The following RUNX1T1 variants were observed in gnomAD, a reference collection of about 807,000 sequenced individuals.
The protein encoded by RUNX1T1 is protein CBFA2T1.
A neutral mutation model predicts 62.8 loss-of-function variants in RUNX1T1; 4 were observed. The observed-to-expected ratio is 0.06, with a 90% confidence interval of 0.03 to 0.15. The LOEUF (loss-of-function observed/expected upper bound fraction) is 0.15, where lower values mean the gene tolerates loss of function less well. Ranked by LOEUF, RUNX1T1 falls within the 10% of genes least tolerant of loss-of-function variation. The pLI, the probability that RUNX1T1 is intolerant of heterozygous loss-of-function variation, is 1.00. For missense variants in RUNX1T1, 508 were observed against 754.3 expected, an observed-to-expected ratio of 0.67 and a Z score of 3.82; for synonymous variants, 291 against 286.0, an observed-to-expected ratio of 1.02 and a Z score of -0.18.
intron 1 of RUNX1T1, among the ~76,000 whole-genome samples, chr8:92,018,924 G>A (rs1181026852): frequency 1.3e-5 from 2 of 152,126 alleles, no homozygotes; most frequent in African/African-American, 4.8e-5. Context: ...GAATAACAAC[G>A]GATGTCCCTA....
At chr8:91,970,781 C>T (rs1812662112) in exon 10 of RUNX1T1, 3 of 1,613,408 alleles carry the variant, frequency 1.9e-6, no homozygotes, top group Admixed American at 1.7e-5. Flanking sequence ...GGGCTTTCCG[C>T]TCCGCCTCAG....
chr8:91,985,544 A>C (rs1409642272), intron 8 of RUNX1T1, among the ~76,000 whole-genome samples: 1 of 152,190 alleles, frequency 6.6e-6, no homozygotes, highest in Non-Finnish European at 1.5e-5. Flanking sequence ...AGGGTGCTAC[A>C]TCTTTATCAT....
chr8:92,095,471 G>C, intron 1 of RUNX1T1: 1 of 1,531,772 alleles, frequency 6.5e-7, no homozygotes, highest in Non-Finnish European at 8.7e-7. Context: ...GGCACATTGT[G>C]TGTGAGTGAG....
rs1396130555 is a variant in RUNX1T1 at position 92,060,951 on chromosome 8, A to G, written c.7+1595T>C. Among the ~76,000 whole-genome samples the G allele has an allele frequency of 7.4e-5, 11 of 147,738 alleles. No individual in the cohort carries two copies. The South Asian group carries it at 2.1e-3, about 29-fold the overall frequency. On this transcript the variant is annotated intron_variant, in intron 1 of 10. Transcript: ENST00000396218. Reference sequence around the variant, plus strand: ...AGAGAGAGAGAGAGAGAGAGAGAGAAGCAGTGCCCACACTTCAGGCTATTG... The same window carrying G: ...AGAGAGAGAGAGAGAGAGAGAGAGAGGCAGTGCCCACACTTCAGGCTATTG...
chr8:92,031,881 C>T (rs1220194082), intron 1 of RUNX1T1, among the ~76,000 whole-genome samples: 4 of 151,662 alleles, frequency 2.6e-5, no homozygotes, highest in Non-Finnish European at 4.4e-5. Flanking sequence ...CACTTGAGCC[C>T]GGGAGTTCGA....
At chr8:92,099,304 T>C (rs1484559) in intron 1 of RUNX1T1, among the ~76,000 whole-genome samples, 114,610 of 152,134 alleles carry the variant, frequency 0.75, 43,759 homozygotes, top group East Asian at 1. Flanking sequence ...TAACTTCTGA[T>C]AGATTATTCT....
At chr8:92,054,666 G>T (rs1246647959) in intron 1 of RUNX1T1, among the ~76,000 whole-genome samples, 2 of 152,100 alleles carry the variant, frequency 1.3e-5, no homozygotes. Context: ...TATATTAATT[G>T]CTCATAATAT....
At chr8:92,016,352 A>T (rs995899579) in intron 2 of RUNX1T1, among the ~76,000 whole-genome samples, 9 of 152,100 alleles carry the variant, frequency 5.9e-5, no homozygotes, top group African/African-American at 2.2e-4. Context: ...GAATGGAGTA[A>T]AGTTTTAATA....
At chr8:92,039,412 T>A (rs1198696280) in intron 1 of RUNX1T1, among the ~76,000 whole-genome samples, 1 of 152,176 alleles carries the variant, frequency 6.6e-6, no homozygotes, top group Non-Finnish European at 1.5e-5. Flanking sequence ...AATACCTGAC[T>A]CTCTCAAAAC....
intron 8 of RUNX1T1, among the ~76,000 whole-genome samples, chr8:91,983,174 C>G (rs1335925690): frequency 3.3e-5 from 5 of 151,734 alleles, no homozygotes; most frequent in African/African-American, 4.8e-5. Context: ...ACCTCGTGAT[C>G]CGTCTGCCTC....
intron 1 of RUNX1T1, among the ~76,000 whole-genome samples, chr8:92,017,866 G>C (rs1823318790): frequency 6.6e-6 from 1 of 152,110 alleles, no homozygotes; most frequent in South Asian, 2.1e-4. Context: ...GATGAAATAG[G>C]TTATCGTCTT....
chr8:91,999,105 A>ATAAG (rs1819272645), intron 5 of RUNX1T1, among the ~76,000 whole-genome samples: 1 of 152,202 alleles, frequency 6.6e-6, no homozygotes, highest in Admixed American at 6.5e-5. Context: ...TCAACCTTCC[A>ATAAG]TAAGATTATT....
rs529208552 is a variant in RUNX1T1 at position 92,059,717 on chromosome 8, C to T, written c.7+2829G>A. On this transcript the variant is annotated intron_variant, in intron 1 of 10. Coordinates refer to ENST00000396218, the Ensembl canonical transcript of RUNX1T1. ...TGTGGCCATGTGTTAAAAATTACAG[C>T]CAGTTAAGTTCTCTGCTAAGGAAAA... Among the ~76,000 whole-genome samples, 7 of 152,218 alleles carry T rather than the reference C, an allele frequency of 4.6e-5. No homozygotes were observed. In the South Asian group the frequency reaches 1.4e-3, roughly 32 times the overall value.
chr8:92,016,405 G>A (rs961888866), intron 2 of RUNX1T1, among the ~76,000 whole-genome samples: 75 of 152,130 alleles, frequency 4.9e-4, no homozygotes, highest in African/African-American at 1.6e-3. Flanking sequence ...GACCGGGTGC[G>A]GTGGCTCACG....
In RUNX1T1 at chr8:91,970,922, T is replaced by C. The variant is rs931800637; in HGVS notation, c.1268-74A>G. 3.9e-6 allele frequency: 5 copies of C among 1,270,884 alleles called. No homozygotes were observed. In the Admixed American group the frequency reaches 1.5e-4, roughly 37 times the overall value. The allele number at this position is 1,270,884 out of a possible 1,614,324, so 78.7% of individuals were successfully genotyped here. A position where few individuals can be genotyped will look rare whatever the true frequency, so the allele number is the denominator to read the frequency against. On this transcript the variant is annotated intron_variant, in intron 9 of 10. Transcript: ENST00000396218. ...CCGAAGTCATTGGATACGGATTACT[T>C]TTCTTTTAATTTTTTTTTTCTTTCC... is the stretch of plus-strand genomic sequence containing the variant.
chr8:92,066,312 C>T (rs993309942), upstream of RUNX1T1, among the ~76,000 whole-genome samples: 2 of 152,212 alleles, frequency 1.3e-5, no homozygotes, highest in African/African-American at 4.8e-5. Flanking sequence ...TCTCCGCTTG[C>T]TTGTCCCACT....
chr8:92,014,842 A>T, intron 2 of RUNX1T1, 22 bp from the exon 4 acceptor site: 1 of 1,579,946 alleles, frequency 6.3e-7, no homozygotes, highest in Non-Finnish European at 8.6e-7. Context: ...ACAAAATCAG[A>T]AGGAAGTCAT....
At chr8:92,033,644 G>A (rs1386277123) in intron 1 of RUNX1T1, among the ~76,000 whole-genome samples, 2 of 152,208 alleles carry the variant, frequency 1.3e-5, no homozygotes, top group Non-Finnish European at 2.9e-5. Flanking sequence ...TGGGACTACA[G>A]ATGTGAACCA....
exon 11 of RUNX1T1, chr8:91,960,516 C>T: frequency 6.2e-7 from 1 of 1,613,756 alleles, no homozygotes; most frequent in Non-Finnish European, 8.5e-7. Flanking sequence ...ATTCCAGCAA[C>T]TCTAAAGGAG....
Sources: gnomAD v4.1 joint callset for allele counts (sites outside exome capture counted in the v4.1 genomes callset) on GRCh38, gnomAD v4.1.1 for gene constraint, MANE v1.5 for transcripts, NCBI Gene and HGNC (gene_info 2026-07-23, HGNC 2026-07-21) for gene names.